The following TMEM117 variants were observed in gnomAD, a reference collection of about 807,000 sequenced individuals.
The protein encoded by TMEM117 is transmembrane protein 117.
Under a neutral mutation model 52.4 loss-of-function variants are expected in TMEM117, and 27 were observed. The ratio of observed to expected loss-of-function variants is 0.51; its 90% CI spans 0.38 to 0.71. TMEM117 has a LOEUF of 0.71. Ranked by LOEUF, TMEM117 falls within the 30% of genes least tolerant of loss-of-function variation. The pLI, the probability that TMEM117 is intolerant of heterozygous loss-of-function variation, is 0.00. For missense variants in TMEM117, 556 were observed against 630.5 expected, an observed-to-expected ratio of 0.88 and a Z score of 1.26; for synonymous variants, 215 against 206.3, an observed-to-expected ratio of 1.04 and a Z score of -0.36.
At chr12:44,088,544 C>T (rs115294917) in intron 3 of TMEM117, among the ~76,000 whole-genome samples, 1,539 of 152,266 alleles carry the variant, frequency 0.01, 10 homozygotes, top group African/African-American at 0.016. Flanking sequence ...CAGCCTCTGG[C>T]GCATGAGGCT....
At chr12:44,012,701 ATC>A (rs1346680913) in intron 3 of TMEM117, among the ~76,000 whole-genome samples, 2 of 152,038 alleles carry the variant, frequency 1.3e-5, no homozygotes, top group Non-Finnish European at 2.9e-5. Flanking sequence ...TATGTTATCC[ATC>A]TGTTCTTGCA....
chr12:43,844,732 C>G lies in TMEM117; in HGVS notation c.81C>G (p.Phe27Leu). ...IVAYLVIFFN[F>L]LIFAEDPVSH... ...CTTACTTGGTGATCTTCTTTAACTT[C>G]TTAATATTTGCGGAGGACCCAGTTT... The change falls in exon 2 of 8, where the codon TTC (phenylalanine) becomes TTG (leucine). Residue 27 changes from phenylalanine to leucine, a missense_variant. By Grantham distance (22) the Phe-to-Leu change is conservative. Transcript: ENST00000266534. 6.2e-7 allele frequency: 1 copy of G among 1,614,172 alleles called. No homozygotes were observed. Among genetic ancestry groups the G allele is most frequent in the Non-Finnish European group, 8.5e-7 (1 of 1,180,032 alleles).
chr12:44,253,901 A>G (rs1950225399), intron 5 of TMEM117, among the ~76,000 whole-genome samples: 1 of 151,246 alleles, frequency 6.6e-6, no homozygotes, highest in South Asian at 2.1e-4. Flanking sequence ...AAGAAACATT[A>G]CAAAACTGCA....
chr12:44,395,804 A>G, the TMEM117 span, among the ~76,000 whole-genome samples: 4 of 152,190 alleles, frequency 2.6e-5, no homozygotes, highest in Admixed American at 2.6e-4. Flanking sequence ...GAAGTGGCAT[A>G]TATCACTTCT....
the TMEM117 span, among the ~76,000 whole-genome samples, chr12:43,820,100 T>A: frequency 1.4e-5 from 2 of 146,290 alleles, no homozygotes; most frequent in Non-Finnish European, 3.0e-5. Context: ...TACAGGTGTA[T>A]TTTTTTTTGT....
intron 5 of TMEM117, among the ~76,000 whole-genome samples, chr12:44,251,580 T>G (rs903229795): frequency 6.6e-6 from 1 of 152,208 alleles, no homozygotes; most frequent in African/African-American, 2.4e-5. Flanking sequence ...AGCTCATTAC[T>G]TTATATGTAA....
chr12:44,021,367 G>A lies in TMEM117; in HGVS notation c.410+77025G>A, dbSNP rs546059190. 5.9e-5 allele frequency among the ~76,000 whole-genome samples: 9 copies of A among 152,206 alleles called. No homozygotes were observed. In the South Asian group the frequency reaches 1.9e-3, roughly 32 times the overall value. On this transcript the variant is annotated intron_variant, in intron 3 of 7. Coordinates refer to ENST00000266534, the MANE Select transcript of TMEM117 (RefSeq NM_032256.3). ...ACTTGTAAGTGAGAACGTGCGATCT[G>A]GCTTTCTGTTTCTGCATTAGTTTTC...
chr12:44,337,372 C>T (rs555200659), intron 6 of TMEM117, among the ~76,000 whole-genome samples: 1 of 152,060 alleles, frequency 6.6e-6, no homozygotes, highest in South Asian at 2.1e-4. Flanking sequence ...ACTTAATCAC[C>T]TCCTAAAAGT....
At chr12:44,008,838 A>T (rs760572959) in intron 3 of TMEM117, 4 of 446,290 alleles carry the variant, frequency 9.0e-6, no homozygotes, top group African/African-American at 2.1e-5. Context: ...ATTATTTGGT[A>T]TGTGTGTAGA....
intron 3 of TMEM117, among the ~76,000 whole-genome samples, chr12:43,985,382 C>CT (rs530221407): frequency 2.3e-3 from 344 of 151,544 alleles, no homozygotes; most frequent in Admixed American, 4.7e-3. Context: ...AGGTGATATA[C>CT]TTTTAAAAAA....
intron 6 of TMEM117, among the ~76,000 whole-genome samples, chr12:44,336,531 A>C (rs2138738819): frequency 6.6e-6 from 1 of 152,148 alleles, no homozygotes; most frequent in African/African-American, 2.4e-5. Flanking sequence ...GAAAATGGAA[A>C]GCAAGCTTTT....
At chr12:43,927,426 C>G (rs1045123794) in intron 2 of TMEM117, among the ~76,000 whole-genome samples, 1 of 149,970 alleles carries the variant, frequency 6.7e-6, no homozygotes, top group Non-Finnish European at 1.5e-5. Context: ...TATACTATAT[C>G]TTTGTTAATT....
chr12:44,343,572 C>T (rs996996624), intron 6 of TMEM117, among the ~76,000 whole-genome samples: 2 of 151,798 alleles, frequency 1.3e-5, no homozygotes, highest in African/African-American at 4.8e-5. Flanking sequence ...GGACAGGGGA[C>T]ATGGGGACTT....
At chr12:43,931,699 TA>T (rs1944873663) in intron 2 of TMEM117, among the ~76,000 whole-genome samples, 1 of 152,240 alleles carries the variant, frequency 6.6e-6, no homozygotes, top group Non-Finnish European at 1.5e-5. Flanking sequence ...TTTTTGAGTT[TA>T]GTGAATTTTT....
intron 3 of TMEM117, among the ~76,000 whole-genome samples, chr12:44,114,532 C>T (rs1421710076): frequency 6.6e-6 from 1 of 152,170 alleles, no homozygotes; most frequent in African/African-American, 2.4e-5. Flanking sequence ...TAAATCAAGC[C>T]TTCCATCTGC....
chr12:44,042,027 A>G (rs1946806234), intron 3 of TMEM117, among the ~76,000 whole-genome samples: 1 of 152,204 alleles, frequency 6.6e-6, no homozygotes, highest in Non-Finnish European at 1.5e-5. Flanking sequence ...TAAAAAAGTC[A>G]TCCACATTGA....
chr12:44,382,444 C>T (rs1048515064), intron 7 of TMEM117, among the ~76,000 whole-genome samples: 3 of 152,120 alleles, frequency 2.0e-5, no homozygotes, highest in Non-Finnish European at 4.4e-5. Context: ...TAAAACTTCT[C>T]TTTTCGTATT....
chr12:43,935,721 A>G (rs1420856912), intron 2 of TMEM117, among the ~76,000 whole-genome samples: 4 of 152,330 alleles, frequency 2.6e-5, no homozygotes, highest in Admixed American at 1.3e-4. Context: ...CCTTGTCTGC[A>G]CTGAAAGGAA....
At chr12:44,115,148 A>G (rs1387935311) in intron 3 of TMEM117, among the ~76,000 whole-genome samples, 4 of 152,138 alleles carry the variant, frequency 2.6e-5, no homozygotes, top group South Asian at 2.1e-4. Context: ...CCTCTACTCT[A>G]TTGAATAAAG....
Sources: gnomAD v4.1 joint callset for allele counts (sites outside exome capture counted in the v4.1 genomes callset) on GRCh38, gnomAD v4.1.1 for gene constraint, MANE v1.5 for transcripts, NCBI Gene and HGNC (gene_info 2026-07-23, HGNC 2026-07-21) for gene names.